Variants in HDHD5 observed in about 807,000 individuals in gnomAD.
HDHD5 encodes haloacid dehalogenase-like hydrolase domain-containing 5.
Under a neutral mutation model 35.5 loss-of-function variants are expected in HDHD5, and 34 were observed. That is an observed-to-expected ratio of 0.96 (90% CI 0.73 to 1.28). HDHD5 has a LOEUF of 1.28. Ranked by LOEUF, HDHD5 falls within the 50% of genes most tolerant of loss-of-function variation. The probability of loss-of-function intolerance (pLI) is 0.00; values close to 1 mark genes in which losing one functional copy is unlikely to be tolerated. For synonymous variants in HDHD5, 248 were observed against 240.6 expected (o/e 1.03, Z -0.29); for missense variants, 589 against 560.2 (o/e 1.05, Z -0.52).
At chr22:17,145,600 G>A in intron 3 of HDHD5, among the ~76,000 whole-genome samples, 1 of 152,172 alleles carries the variant, frequency 6.6e-6, no homozygotes, top group East Asian at 1.9e-4. Context: ...GCTGGGGCAG[G>A]AGGATCATTT....
intron 3 of HDHD5, among the ~76,000 whole-genome samples, chr22:17,145,993 T>C (rs1290057449): frequency 1.3e-5 from 2 of 152,136 alleles, no homozygotes; most frequent in Non-Finnish European, 2.9e-5. Context: ...CTGGACATGG[T>C]TTGATTACTC....
intron 1 of HDHD5, among the ~76,000 whole-genome samples, chr22:17,155,892 A>C (rs1302103072): frequency 6.6e-6 from 1 of 152,236 alleles, no homozygotes. Flanking sequence ...ACAGAAAGAA[A>C]AGAACATCCA....
At chr22:17,159,291 C>CCA, upstream of HDHD5, 2 of 1,237,872 alleles carry the variant, frequency 1.6e-6, no homozygotes, top group Non-Finnish European at 2.0e-6. Context: ...GTGCGGCCCC[C>CCA]CCCCCCCGCG....
chr22:17,149,040 T>C (rs1459972281), intron 2 of HDHD5, among the ~76,000 whole-genome samples: 1 of 152,252 alleles, frequency 6.6e-6, no homozygotes, highest in East Asian at 1.9e-4. Flanking sequence ...ACCAATTTGA[T>C]TCCGTCACAT....
rs1250774741 is a variant in HDHD5, at chr22:17,149,722, C to T, written c.150G>A (p.Leu50=). ...PAQSPPTFGF[L]LDIDGVLVRG... ...GCACAAGCACTCCATCGATGTCCAA[C>T]AGGAACCCAAAGGTGGGTGGGCTCT... Residue 50 remains leucine, a synonymous_variant, in exon 2 of 8, where the codon CTG becomes CTA. Transcript: ENST00000336737. 2 of 1,614,108 alleles carry T rather than the reference C, an allele frequency of 1.2e-6. No homozygotes were observed. Among genetic ancestry groups the T allele is most frequent in the South Asian group, 2.2e-5 (2 of 91,074 alleles).
intron 3 of HDHD5, among the ~76,000 whole-genome samples, chr22:17,147,959 C>T (rs1601390798): frequency 1.3e-5 from 2 of 152,262 alleles, no homozygotes; most frequent in South Asian, 2.1e-4. Flanking sequence ...GTACACAGGA[C>T]GTGCTCAGCA....
chr22:17,138,577 G>T lies in HDHD5; in HGVS notation c.908C>A (p.Ala303Asp), dbSNP rs745906513. Reference sequence around the variant, plus strand: ...CACAGCATAGAGCTTCCGGATGGGGGCGGCCCAGCCCCGCCTCTCCGCCTG... The same window carrying T: ...CACAGCATAGAGCTTCCGGATGGGGTCGGCCCAGCCCCGCCTCTCCGCCTG... The part of the protein sequence containing the change: ...RRQAERRGWA[A>D]PIRKLYAVGD... The change falls in exon 7 of 8, where the codon GCC (alanine) becomes GAC (aspartate). Residue 303 changes from alanine (A) to aspartate (D), a missense_variant. Transcript: ENST00000336737. The T allele has an allele frequency of 5.0e-5, 80 of 1,613,962 alleles. No homozygotes were observed. Among genetic ancestry groups the T allele is most frequent in the Middle Eastern group, 1.6e-4 (1 of 6,076 alleles).
chr22:17,143,232 C>T (rs2061619854), intron 4 of HDHD5, 101 bp from the exon 5 acceptor site: 4 of 1,275,394 alleles, frequency 3.1e-6, no homozygotes, highest in East Asian at 2.5e-5. Flanking sequence ...GGGAGACACA[C>T]TCCACAGACC....
At chr22:17,159,633 G>A (rs1234421773), upstream of HDHD5, 4 of 388,074 alleles carry the variant, frequency 1.0e-5, no homozygotes, top group East Asian at 1.2e-4. Context: ...CTTGACTTCA[G>A]GGCCGGGCCG....
upstream of HDHD5, among the ~76,000 whole-genome samples, chr22:17,161,465 A>C (rs2061863467): frequency 6.6e-6 from 1 of 152,020 alleles, no homozygotes; most frequent in African/African-American, 2.4e-5. Flanking sequence ...AGGCTGAGGC[A>C]GGAGAATCAC....
intron 6 of HDHD5, 35 bp downstream of exon 6, chr22:17,141,024 C>G: frequency 1.3e-6 from 2 of 1,537,100 alleles, no homozygotes; most frequent in Non-Finnish European, 1.7e-6. Context: ...CAGGAATAGA[C>G]CACCAGGCCA....
chr22:17,155,249 T>G (rs961408987), intron 1 of HDHD5, among the ~76,000 whole-genome samples: 7 of 149,720 alleles, frequency 4.7e-5, no homozygotes, highest in Non-Finnish European at 7.4e-5. Context: ...TTTTTTTTTG[T>G]TTGGTTGGTT....
intron 1 of HDHD5, among the ~76,000 whole-genome samples, chr22:17,158,213 C>G (rs1256051528): frequency 6.6e-6 from 1 of 151,758 alleles, no homozygotes; most frequent in Non-Finnish European, 1.5e-5. Flanking sequence ...CCCAGCTACT[C>G]GGGAGGCTGA....
chr22:17,152,786 G>A (rs544656441), intron 1 of HDHD5, among the ~76,000 whole-genome samples: 26 of 152,122 alleles, frequency 1.7e-4, no homozygotes, highest in Non-Finnish European at 2.8e-4. Context: ...CTCGGGTCCA[G>A]TAAAACAGGG....
At chr22:17,146,175 T>C (rs974128115) in intron 3 of HDHD5, among the ~76,000 whole-genome samples, 1 of 151,980 alleles carries the variant, frequency 6.6e-6, no homozygotes, top group Non-Finnish European at 1.5e-5. Context: ...CCCTATCCCA[T>C]TCCCAACCTC....
intron 3 of HDHD5, 79 bp from the exon 4 acceptor site, chr22:17,145,196 G>T: frequency 6.3e-7 from 1 of 1,582,706 alleles, no homozygotes; most frequent in Non-Finnish European, 8.6e-7. Flanking sequence ...ACAAGTGAAG[G>T]GAACACAACC....
chr22:17,157,085 T>TACACACACACACACACAC (rs58807817), intron 1 of HDHD5, among the ~76,000 whole-genome samples: 1,472 of 143,748 alleles, frequency 0.01, 24 homozygotes, highest in African/African-American at 0.022. Context: ...CTCACACACA[T>TACACACACACACACACAC]ACACACACAC....
rs752643005 is a variant in HDHD5 at position 17,159,108 on chromosome 22, G to C, written c.126+18C>G. ...CCCTGAGTGGCGAGTGGCTCGGCCA[G>C]AACCCGGACGTCCTCACCTGAGCGG... On this transcript the variant is annotated intron_variant, in intron 1 of 7. Transcript: ENST00000336737. The C allele has an allele frequency of 2.4e-6, 3 of 1,239,628 alleles. No individual in the cohort carries two copies. The highest frequency in any genetic ancestry group is 2.8e-4 in the Middle Eastern group (1 of 3,574). The allele number at this position is 1,239,628 out of a possible 1,614,324, so 76.8% of individuals were successfully genotyped here.
Position 17,137,896 on chromosome 22 carries a change from TG to T in HDHD5, c.*124del. 3 of 704,538 alleles carry T rather than the reference TG, an allele frequency of 4.3e-6. No homozygotes were observed. Among genetic ancestry groups the T allele is most frequent in the Non-Finnish European group, 7.1e-6 (3 of 424,538 alleles). The allele number at this position is 704,538 out of a possible 1,614,324, so 43.6% of individuals were successfully genotyped here. A position where few individuals can be genotyped will look rare whatever the true frequency, so the allele number is the denominator to read the frequency against. ...CAAGTGACCAGTAATGCCACACTCA[TG>T]GGGCAGCAAGAAGGGTGGCAAGGGA... On this transcript the variant is annotated 3_prime_UTR_variant, in exon 8 of 8. Transcript: ENST00000336737.
Sources: gnomAD v4.1 joint callset for allele counts (sites outside exome capture counted in the v4.1 genomes callset) on GRCh38, gnomAD v4.1.1 for gene constraint, MANE v1.5 for transcripts, NCBI Gene and HGNC (gene_info 2026-07-23, HGNC 2026-07-21) for gene names.